Variants in SPEF1 observed in about 807,000 individuals in gnomAD.
SPEF1 encodes sperm flagellar and cilia associated 1, also known as sperm flagella and cilia-associated protein 1.
A neutral mutation model predicts 31.8 loss-of-function variants in SPEF1; 30 were observed. The ratio of observed to expected loss-of-function variants is 0.94; its 90% CI spans 0.70 to 1.28. The LOEUF (loss-of-function observed/expected upper bound fraction) is 1.28. SPEF1 is among the 50% of genes most tolerant of loss of function. The probability of loss-of-function intolerance (pLI) is 0.00; values close to 1 mark genes in which losing one functional copy is unlikely to be tolerated. For synonymous variants in SPEF1, 126 were observed against 130.1 expected (o/e 0.97, Z 0.21); for missense variants, 298 against 309.6 (o/e 0.96, Z 0.28).
At position 3,779,728 on chromosome 20, in the gene SPEF1, T is replaced by C; in HGVS notation, c.157A>G (p.Met53Val). 6.2e-7 allele frequency: 1 copy of C among 1,612,968 alleles called. No homozygotes were observed. The highest frequency in any genetic ancestry group is 8.5e-7 in the Non-Finnish European group (1 of 1,179,832). Reference protein sequence around the residue: ...IKFYFPKMVEMHNYVPANSLQ... With the variant: ...IKFYFPKMVEVHNYVPANSLQ... The stretch of plus-strand genomic sequence containing the variant: ...GAGTTGGCGGGGACATAATTGTGCA[T>C]CTCCACCATCTTGGGGAAGTAAAAC... Residue 53 changes from methionine (M) to valine (V), a missense_variant, in exon 2 of 7, where the codon ATG (methionine) becomes GTG (valine). Physicochemically the swap from Met to Val is conservative, Grantham distance 21 (BLOSUM62 1). Transcript: ENST00000379756.
chr20:3,779,038 C>T, intron 3 of SPEF1, 48 bp from the exon 4 acceptor site: 1 of 1,613,342 alleles, frequency 6.2e-7, no homozygotes, highest in Non-Finnish European at 8.5e-7. Flanking sequence ...CAGTCATCCC[C>T]AAGGAGCCCC....
At chr20:3,779,813 T>C (rs773470323) in intron 1 of SPEF1, 38 bp from the exon 2 acceptor site, 5 of 767,204 alleles carry the variant, frequency 6.5e-6, no homozygotes, top group South Asian at 4.5e-5. Flanking sequence ...AGTGGGGGCA[T>C]GGGTAAGGAA....
At chr20:3,780,689 A>C (rs768519673) in intron 1 of SPEF1, among the ~76,000 whole-genome samples, 4 of 152,202 alleles carry the variant, frequency 2.6e-5, no homozygotes, top group Non-Finnish European at 5.9e-5. Flanking sequence ...TGACATGAAA[A>C]GATGACAGAT....
At position 3,777,779 on chromosome 20, in the gene SPEF1, C is replaced by G. The variant is rs910654; in HGVS notation, c.*433G>C. ...ATGGCTGAGGGCATGGGGAACTAGC[C>G]TGGATGGAGACGCCGCCGTCCTCGG... is the stretch of plus-strand genomic sequence containing the variant. On this transcript the variant is annotated 3_prime_UTR_variant, in exon 7 of 7. Transcript: ENST00000379756. The surrounding 1 kb of genome is among the most constrained non-coding windows in gnomAD (Gnocchi z 4.1). The G allele has an allele frequency of 0.31, 48,892 of 157,582 alleles. 8,079 individuals are homozygous for G. The highest frequency in any genetic ancestry group is 0.41 in the African/African-American group (16,850 of 41,582). The allele number at this position is 157,582 out of a possible 1,614,324, so 9.8% of individuals were successfully genotyped here.
At chr20:3,778,680 C>T in intron 5 of SPEF1, 66 bp downstream of exon 5, 2 of 1,594,266 alleles carry the variant, frequency 1.3e-6, no homozygotes, top group East Asian at 2.2e-5. Context: ...CGTACCGTGC[C>T]CCCCAACCCC....
In SPEF1 at chr20:3,779,315, C is replaced by T. The variant is rs79914010; in HGVS notation, c.259G>A (p.Asp87Asn). 2.0e-5 allele frequency: 32 copies of T among 1,600,896 alleles called. 1 individual carries two copies. The highest frequency in any genetic ancestry group is 8.6e-5 in the Admixed American group (5 of 58,432). The change falls in exon 3 of 7, where the codon GAC (aspartate) becomes AAC (asparagine). Residue 87 changes from aspartate to asparagine, a missense_variant. Asp to Asn is a conservative substitution (Grantham distance 23). Coordinates refer to ENST00000379756, the MANE Select transcript of SPEF1 (RefSeq NM_015417.5). Reference protein sequence around the residue: ...LKRLNFSVPDDVMRKIAQCAP... With the variant: ...LKRLNFSVPDNVMRKIAQCAP... The stretch of plus-strand genomic sequence containing the variant: ...CACTGCGCGATCTTGCGCATCACGT[C>T]ATCCGGTACTGAAAAGTTCAGCCTC...
intron 1 of SPEF1, 56 bp from the exon 2 acceptor site, chr20:3,779,831 G>A: frequency 1.5e-6 from 1 of 657,138 alleles, no homozygotes; most frequent in Non-Finnish European, 2.7e-6. Context: ...GAAGGAGGAG[G>A]TGAGAGAAGG....
chr20:3,778,210 G>C lies in SPEF1; in HGVS notation c.*2C>G. 6.4e-7 allele frequency: 1 copy of C among 1,569,622 alleles called. No homozygotes were observed. The highest frequency in any genetic ancestry group is 8.6e-7 in the Non-Finnish European group (1 of 1,158,086). On this transcript the variant is annotated 3_prime_UTR_variant, in exon 7 of 7. Coordinates refer to ENST00000379756, the MANE Select transcript of SPEF1 (RefSeq NM_015417.5). ...GCGTCCCCGCGCGGCCCGGGCCGCCGCTCACCGCTGCTTACGCTCCGCCTG... is the reference window on the plus strand; with the variant it reads ...GCGTCCCCGCGCGGCCCGGGCCGCCCCTCACCGCTGCTTACGCTCCGCCTG...
intron 5 of SPEF1, 90 bp downstream of exon 5, chr20:3,778,656 C>T: frequency 1.3e-6 from 2 of 1,579,142 alleles, no homozygotes; most frequent in Non-Finnish European, 1.7e-6. Context: ...TCCTGCCTCC[C>T]GTCTCAGGCT....
chr20:3,778,724 C>CTGG (rs749320936), intron 5 of SPEF1, 22 bp downstream of exon 5: 1 of 1,612,318 alleles, frequency 6.2e-7, no homozygotes, highest in African/African-American at 1.3e-5. Flanking sequence ...CTGGTGAAGT[C>CTGG]TGGAACTCCC....
At chr20:3,778,853 C>T (rs1293186339) in intron 4 of SPEF1, 47 bp from the exon 5 acceptor site, 8 of 1,611,724 alleles carry the variant, frequency 5.0e-6, no homozygotes, top group African/African-American at 2.7e-5. Flanking sequence ...GTCTCATTCT[C>T]CTGCTTCCCC....
chr20:3,779,487 G>T, intron 2 of SPEF1, 135 bp from the exon 3 acceptor site: 1 of 912,616 alleles, frequency 1.1e-6, no homozygotes, highest in Non-Finnish European at 1.7e-6. Context: ...TCGCATCTGA[G>T]CTTCCTTGTG....
rs558034747 is a variant in SPEF1 at position 3,778,614 on chromosome 20, C to T, written c.480-70G>A. The stretch of plus-strand genomic sequence containing the variant: ...ACACTCACCCTTCCAGGGCCCTCGA[C>T]CAGGCCTTCCCTTCTCCCCCTCTAG... On this transcript the variant is annotated intron_variant, in intron 5 of 6. Coordinates refer to ENST00000379756, the MANE Select transcript of SPEF1 (RefSeq NM_015417.5). The T allele has an allele frequency of 7.7e-6, 12 of 1,565,048 alleles. No individual in the cohort carries two copies. The African/African-American group carries it at 1.4e-4, about 18-fold the overall frequency.
intron 5 of SPEF1, 37 bp downstream of exon 5, chr20:3,778,706 TCAC>T (rs1376322418): frequency 6.2e-7 from 1 of 1,606,106 alleles, no homozygotes; most frequent in African/African-American, 1.3e-5. Context: ...TGTGCAGAGA[TCAC>T]CAGCCTGGTG....
intron 2 of SPEF1, 92 bp from the exon 3 acceptor site, chr20:3,779,444 C>T: frequency 8.5e-7 from 1 of 1,177,684 alleles, no homozygotes; most frequent in Non-Finnish European, 1.2e-6. Flanking sequence ...GGTTGCTGTT[C>T]TGAGTGTACA....
chr20:3,779,311 A>T lies in SPEF1; in HGVS notation c.263T>A (p.Val88Glu). The change falls in exon 3 of 7, where the codon GTG (valine) becomes GAG (glutamate). Residue 88 changes from valine to glutamate, a missense_variant. Coordinates refer to ENST00000379756, the MANE Select transcript of SPEF1 (RefSeq NM_015417.5). Reference protein sequence around the residue: ...KRLNFSVPDDVMRKIAQCAPG... With the variant: ...KRLNFSVPDDEMRKIAQCAPG... ...GGCGCACTGCGCGATCTTGCGCATC[A>T]CGTCATCCGGTACTGAAAAGTTCAG... 1 of 1,600,928 alleles carries T rather than the reference A, an allele frequency of 6.2e-7. No homozygotes were observed. Among genetic ancestry groups the T allele is most frequent in the Non-Finnish European group, 8.5e-7 (1 of 1,172,476 alleles).
At position 3,778,450 on chromosome 20, in the gene SPEF1, C is replaced by T. The variant is rs975583698; in HGVS notation, c.574G>A (p.Glu192Lys). The T allele has an allele frequency of 6.2e-7, 1 of 1,613,916 alleles. No homozygotes were observed. The highest frequency in any genetic ancestry group is 8.5e-7 in the Non-Finnish European group (1 of 1,179,962). The change falls in exon 6 of 7, where the codon GAG becomes AAG. Residue 192 changes from glutamate (E) to lysine (K), a missense_variant. Transcript: ENST00000379756. ...FVLQIAEKEQ[E>K]LLASQETVQV... Reference sequence around the variant, plus strand: ...ACGGTCTCTTGAGAGGCCAACAGCTCCTGCTCCTTTTCAGCGATCTGGAGG... The same window carrying T: ...ACGGTCTCTTGAGAGGCCAACAGCTTCTGCTCCTTTTCAGCGATCTGGAGG...
At chr20:3,779,170 T>A (rs921546875) in intron 3 of SPEF1, 26 bp downstream of exon 3, 21 of 1,553,254 alleles carry the variant, frequency 1.4e-5, no homozygotes, top group Non-Finnish European at 1.7e-5. Flanking sequence ...CCCAGAGCAG[T>A]GGGAGAAGCT....
chr20:3,778,357 G>A, intron 6 of SPEF1, 38 bp from the exon 7 acceptor site: 1 of 1,612,814 alleles, frequency 6.2e-7, no homozygotes, highest in East Asian at 2.2e-5. Flanking sequence ...CTGGCGGTCT[G>A]CTCCCTCCTG....
Sources: gnomAD v4.1 joint callset for allele counts (sites outside exome capture counted in the v4.1 genomes callset) on GRCh38, gnomAD v4.1.1 for gene constraint, Gnocchi (gnomAD v3.1) non-coding constraint, MANE v1.5 for transcripts, NCBI Gene and HGNC (gene_info 2026-07-23, HGNC 2026-07-21) for gene names.